The following LRRN2 variants were observed in gnomAD, a reference collection of about 807,000 sequenced individuals.
LRRN2 encodes leucine rich repeat neuronal 2, also known as leucine-rich repeat neuronal protein 2.
LRRN2 carries 10 observed loss-of-function variants against 35.7 expected under a neutral mutation model. That is an observed-to-expected ratio of 0.28 (90% confidence interval 0.17 to 0.47). LRRN2 has a LOEUF of 0.47. Among genes scored for constraint, LRRN2 ranks in the 20% least tolerant of loss-of-function variants. LRRN2 has a pLI of 0.99. For synonymous variants in LRRN2, 391 were observed against 409.6 expected (o/e 0.95, Z 0.55); for missense variants, 731 against 940.3 (o/e 0.78, Z 2.91).
intron 1 of LRRN2, chr1:204,621,386 C>T (rs1666883856): frequency 6.0e-6 from 1 of 167,314 alleles, no homozygotes; most frequent in African/African-American, 2.4e-5. Flanking sequence ...CAACGCTCAA[C>T]TTTAAGTTCA....
chr1:204,624,513 C>T (rs549854771), intron 1 of LRRN2, among the ~76,000 whole-genome samples: 9 of 152,314 alleles, frequency 5.9e-5, no homozygotes, highest in African/African-American at 9.6e-5. Flanking sequence ...TCTATGTTCT[C>T]GGGGCTGTTT....
chr1:204,657,982 T>TC (rs1464752422), intron 1 of LRRN2, among the ~76,000 whole-genome samples: 1 of 139,486 alleles, frequency 7.2e-6, no homozygotes, highest in East Asian at 2.0e-4. Context: ...TTTTTTTTTT[T>TC]TTTTTTTTTT....
At chr1:204,658,606 A>G (rs1013051727) in intron 1 of LRRN2, among the ~76,000 whole-genome samples, 3 of 152,138 alleles carry the variant, frequency 2.0e-5, no homozygotes, top group African/African-American at 7.2e-5. Flanking sequence ...GATCTGAGGT[A>G]TCACTCTCCT....
intron 1 of LRRN2, among the ~76,000 whole-genome samples, chr1:204,657,111 C>G (rs1045421564): frequency 6.6e-6 from 1 of 152,038 alleles, no homozygotes; most frequent in Non-Finnish European, 1.5e-5. Flanking sequence ...TGAGACCAGC[C>G]TGGCCAACAC....
At chr1:204,655,904 C>G (rs1004914509) in intron 1 of LRRN2, among the ~76,000 whole-genome samples, 3 of 152,098 alleles carry the variant, frequency 2.0e-5, no homozygotes, top group Admixed American at 2.0e-4. Context: ...CCCTTTCCTT[C>G]TCTTCTTTTT....
intron 1 of LRRN2, among the ~76,000 whole-genome samples, chr1:204,668,922 C>T (rs1349001984): frequency 6.6e-6 from 1 of 152,186 alleles, no homozygotes; most frequent in Non-Finnish European, 1.5e-5. Context: ...TTCCAGGGCT[C>T]AAGCGAACCT....
intron 1 of LRRN2, among the ~76,000 whole-genome samples, chr1:204,641,201 C>G (rs1477755158): frequency 1.3e-5 from 2 of 152,222 alleles, no homozygotes; most frequent in African/African-American, 4.8e-5. Flanking sequence ...TATCCAACCT[C>G]AGACTGGTAT....
chr1:204,665,928 G>C (rs1286969052), intron 1 of LRRN2, among the ~76,000 whole-genome samples: 2 of 152,202 alleles, frequency 1.3e-5, no homozygotes, highest in Non-Finnish European at 2.9e-5. Context: ...GCTTAGCATG[G>C]ACACTTTCGG....
chr1:204,672,943 A>T (rs1348061320), intron 1 of LRRN2, among the ~76,000 whole-genome samples: 1 of 152,204 alleles, frequency 6.6e-6, no homozygotes, highest in African/African-American at 2.4e-5. Context: ...CACCATCCAG[A>T]CAGAGCCTTC....
chr1:204,676,139 CGTGTGTGTGTGTGTGTGT>C (rs56189865), intron 1 of LRRN2, among the ~76,000 whole-genome samples: 1 of 148,872 alleles, frequency 6.7e-6, no homozygotes, highest in Non-Finnish European at 1.5e-5. Flanking sequence ...TACATGGAGC[CGTGTGTGTGTGTGTGTGT>C]GTGTGTGTGT....
In LRRN2 at chr1:204,618,651, G is replaced by C. The variant is rs1189629369; in HGVS notation, c.1342C>G (p.Leu448Val). The change falls in exon 2 of 2, where the codon CTG becomes GTG. Residue 448 changes from leucine to valine, a missense_variant. This residue lies in a region of LRRN2 where 256 missense variants were observed against 392.4 expected (regional missense o/e 0.65). Transcript: ENST00000367177. ...TAGATCTCGGGTTCGGGTTCGGCCAGTGCCCGGCAATGCAGCACCATGCTC... is the reference window on the plus strand; with the variant it reads ...TAGATCTCGGGTTCGGGTTCGGCCACTGCCCGGCAATGCAGCACCATGCTC... The part of the protein sequence containing the change: ...GESMVLHCRA[L>V]AEPEPEIYWV... 1.2e-6 allele frequency: 2 copies of C among 1,609,266 alleles called. No individual in the cohort carries two copies. The highest frequency in any genetic ancestry group is 1.7e-6 in the Non-Finnish European group (2 of 1,177,498).
intron 1 of LRRN2, among the ~76,000 whole-genome samples, chr1:204,667,685 T>C (rs1048592136): frequency 6.6e-6 from 1 of 151,886 alleles, no homozygotes; most frequent in Non-Finnish European, 1.5e-5. Context: ...TTAGGGAGGG[T>C]TTCCTGGAAA....
intron 1 of LRRN2, among the ~76,000 whole-genome samples, chr1:204,679,290 C>T (rs1281469044): frequency 6.6e-6 from 1 of 152,238 alleles, no homozygotes; most frequent in African/African-American, 2.4e-5. Flanking sequence ...CACCAGCTGG[C>T]CCTCTGTGGT....
intron 1 of LRRN2, among the ~76,000 whole-genome samples, chr1:204,673,373 C>T (rs1668752187): frequency 6.6e-6 from 1 of 152,120 alleles, no homozygotes; most frequent in Non-Finnish European, 1.5e-5. Flanking sequence ...AAGCATTTTA[C>T]AAGCATGAGC....
At chr1:204,664,281 T>G (rs912258956) in intron 1 of LRRN2, 1 of 152,576 alleles carries the variant, frequency 6.6e-6, no homozygotes, top group African/African-American at 2.4e-5. Flanking sequence ...TCCTCTCTGC[T>G]GCAATCCCTT....
chr1:204,632,707 G>A lies in LRRN2; in HGVS notation c.-226-12489C>T, dbSNP rs575362296. Among the ~76,000 whole-genome samples the A allele has an allele frequency of 4.0e-3, 603 of 151,772 alleles. 3 individuals are homozygous for A. The highest frequency in any genetic ancestry group is 0.014 in the African/African-American group (573 of 41,320). On this transcript the variant is annotated intron_variant, in intron 1 of 1. Transcript: ENST00000367177. Reference sequence around the variant, plus strand: ...AGCACTTTGGGAGGCCGAGGCGGGCGGATCACAAGGTCAGGAGATGGAGAC... The same window carrying A: ...AGCACTTTGGGAGGCCGAGGCGGGCAGATCACAAGGTCAGGAGATGGAGAC...
At chr1:204,641,858 C>CTA (rs1571654049) in intron 1 of LRRN2, among the ~76,000 whole-genome samples, 1 of 152,236 alleles carries the variant, frequency 6.6e-6, no homozygotes, top group African/African-American at 2.4e-5. Flanking sequence ...CATGGCTCTA[C>CTA]TATAGCTCAG....
At chr1:204,631,256 C>CAATCTAATATATATATA (rs1282306008) in intron 1 of LRRN2, among the ~76,000 whole-genome samples, 638 of 36,902 alleles carry the variant, frequency 0.017, 187 homozygotes, top group Non-Finnish European at 0.024. Flanking sequence ...CTAGAGTGTT[C>CAATCTAATATATATATA]TATATATATA....
chr1:204,652,548 G>T (rs1309724888), intron 1 of LRRN2, among the ~76,000 whole-genome samples: 4 of 152,060 alleles, frequency 2.6e-5, no homozygotes, highest in Non-Finnish European at 4.4e-5. Flanking sequence ...TGCCTACTTT[G>T]CAGGGTGGTG....
Sources: allele counts gnomAD v4.1 joint callset (sites outside exome capture counted in the v4.1 genomes callset), GRCh38; gene constraint gnomAD v4.1.1; regional missense constraint gnomAD v4.1.1; transcripts MANE v1.5; gene names NCBI Gene and HGNC (gene_info 2026-07-23, HGNC 2026-07-21).